The following LRBA variants were observed in gnomAD, a reference collection of about 807,000 sequenced individuals.
LRBA encodes the protein LPS responsive beige-like anchor protein.
LRBA carries 176 observed loss-of-function variants against 330.0 expected under a neutral mutation model. That is an observed-to-expected ratio of 0.53 (90% CI 0.47 to 0.60). The LOEUF (loss-of-function observed/expected upper bound fraction) is 0.60, where lower values mean the gene tolerates loss of function less well. LRBA is among the 20% of genes least tolerant of loss of function. The pLI, the probability that LRBA is intolerant of heterozygous loss-of-function variation, is 0.00. For synonymous variants in LRBA, 1,230 were observed against 1,193.0 expected, an observed-to-expected ratio of 1.03 and a Z score of -0.64; for missense variants, 3,259 against 3,444.8, an observed-to-expected ratio of 0.95 and a Z score of 1.35.
chr4:150,970,550 TGTGTGTACACACACAC>T (rs1457629551), intron 2 of LRBA: 28 of 48,932 alleles, frequency 5.7e-4, no homozygotes, highest in African/African-American at 1.5e-3. Flanking sequence ...TGTGTGTGTG[TGTGTGTACACACACAC>T]ACACACACAC....
intron 51 of LRBA, among the ~76,000 whole-genome samples, chr4:150,313,886 A>C (rs1296951603): frequency 6.7e-6 from 1 of 150,350 alleles, no homozygotes; most frequent in Non-Finnish European, 1.5e-5. Context: ...TTTATATAAT[A>C]TTTTAAATAA....
chr4:150,694,184 C>A (rs534953828), intron 36 of LRBA, among the ~76,000 whole-genome samples: 1 of 152,052 alleles, frequency 6.6e-6, no homozygotes, highest in Admixed American at 6.6e-5. Context: ...TGGAATCAAA[C>A]TGTACATCAT....
At chr4:150,985,031 G>A (rs898298088) in intron 2 of LRBA, among the ~76,000 whole-genome samples, 5 of 152,186 alleles carry the variant, frequency 3.3e-5, no homozygotes, top group Non-Finnish European at 7.3e-5. Flanking sequence ...GCCAAGGCGG[G>A]TGGATCACCT....
At chr4:150,914,427 G>T in intron 8 of LRBA, 86 bp from the exon 9 acceptor site, 1 of 952,194 alleles carries the variant, frequency 1.1e-6, no homozygotes, top group African/African-American at 1.7e-5. Flanking sequence ...TAAATGTTTT[G>T]TCCATTCTAA....
At chr4:150,365,011 A>T (rs369266958) in intron 47 of LRBA, among the ~76,000 whole-genome samples, 3 of 151,174 alleles carry the variant, frequency 2.0e-5, no homozygotes, top group African/African-American at 4.9e-5. Flanking sequence ...TGTGTGTGTG[A>T]GAGAGAGAGA....
rs545883892 is a variant in LRBA at position 150,964,075 on chromosome 4, G to T, written c.217-35010C>A. ...AGCCCCTCCGCCCGGCAGCCTCCCC[G>T]TCCGGGAAGTGAGGAGCGTCTCCGC... On this transcript the variant is annotated intron_variant, in intron 2 of 56. Coordinates refer to ENST00000651943, the MANE Select transcript of LRBA (RefSeq NM_001364905.1). Among the ~76,000 whole-genome samples the T allele has an allele frequency of 2.0e-5, 3 of 147,732 alleles. 1 individual carries two copies. The highest frequency in any genetic ancestry group is 2.0e-4 in the Admixed American group (3 of 15,118).
chr4:150,735,364 A>C lies in LRBA; in HGVS notation c.5648T>G (p.Leu1883Trp). 1 of 1,591,784 alleles carries C rather than the reference A, an allele frequency of 6.3e-7. No homozygotes were observed. The highest frequency in any genetic ancestry group is 8.6e-7 in the Non-Finnish European group (1 of 1,159,866). Residue 1883 changes from leucine to tryptophan, a missense_variant and splice_region_variant, in exon 36 of 57, where the codon TTG becomes TGG. Transcript: ENST00000651943. ...AFIELVNEGR[L>W]LSQTMKDHLV... ...ATGATCCTTCATTGTCTGGCTAAGC[A>C]ACCTGTAAGAAATGAATGTTATCAA... is the stretch of plus-strand genomic sequence containing the variant.
At chr4:150,675,529 G>A (rs1389490137) in intron 37 of LRBA, among the ~76,000 whole-genome samples, 1 of 151,662 alleles carries the variant, frequency 6.6e-6, no homozygotes, top group African/African-American at 2.4e-5. Context: ...CCAGCCTGGC[G>A]AACATGGTGA....
intron 40 of LRBA, among the ~76,000 whole-genome samples, chr4:150,533,227 C>T (rs981458516): frequency 2.0e-5 from 3 of 152,114 alleles, no homozygotes; most frequent in African/African-American, 7.2e-5. Flanking sequence ...GTCACCCAGG[C>T]TGCAGGGCAG....
intron 37 of LRBA, among the ~76,000 whole-genome samples, chr4:150,664,867 A>G (rs1371358957): frequency 1.3e-5 from 2 of 152,220 alleles, no homozygotes; most frequent in Non-Finnish European, 2.9e-5. Context: ...AAAACATTAC[A>G]TAAGTTGAGA....
intron 18 of LRBA, among the ~76,000 whole-genome samples, chr4:150,871,814 A>G (rs1753481314): frequency 6.6e-6 from 1 of 152,224 alleles, no homozygotes; most frequent in African/African-American, 2.4e-5. Context: ...CTAAAGCACA[A>G]TAAATACTTA....
At chr4:150,343,124 C>T (rs1735812799) in intron 48 of LRBA, among the ~76,000 whole-genome samples, 1 of 152,134 alleles carries the variant, frequency 6.6e-6, no homozygotes, top group Non-Finnish European at 1.5e-5. Flanking sequence ...TGTGACAAGA[C>T]TTGACTTGGA....
At chr4:150,901,591 G>C (rs1730733569) in intron 13 of LRBA, among the ~76,000 whole-genome samples, 1 of 152,172 alleles carries the variant, frequency 6.6e-6, no homozygotes, top group South Asian at 2.1e-4. Flanking sequence ...GTGTCACCTA[G>C]GGATTTCTTT....
intron 16 of LRBA, among the ~76,000 whole-genome samples, chr4:150,895,684 T>C (rs188907815): frequency 1.5e-4 from 23 of 152,356 alleles, no homozygotes; most frequent in African/African-American, 5.5e-4. Flanking sequence ...AGTCTATCAC[T>C]GTTGGACATT....
intron 34 of LRBA, among the ~76,000 whole-genome samples, chr4:150,789,919 T>C (rs1739662749): frequency 6.6e-6 from 1 of 152,214 alleles, no homozygotes; most frequent in African/African-American, 2.4e-5. Flanking sequence ...AAAAATGTTA[T>C]GCTCAGAATA....
At chr4:150,415,382 G>GA (rs1747588161) in intron 47 of LRBA, 56 bp downstream of exon 47, 2 of 1,528,774 alleles carry the variant, frequency 1.3e-6, no homozygotes, top group Non-Finnish European at 1.8e-6. Context: ...ACCAACACAT[G>GA]AAAGATGCTT....
chr4:150,826,222 A>G (rs1560873458), intron 30 of LRBA, among the ~76,000 whole-genome samples: 2 of 152,220 alleles, frequency 1.3e-5, no homozygotes, highest in Non-Finnish European at 2.9e-5. Context: ...CTGCCAACCA[A>G]GAGGCAACAG....
chr4:150,474,726 A>G (rs1030790441), intron 42 of LRBA, among the ~76,000 whole-genome samples: 1 of 152,132 alleles, frequency 6.6e-6, no homozygotes, highest in East Asian at 1.9e-4. Context: ...AAAGAGGGCT[A>G]CTTTCTTTCT....
At position 150,852,861 on chromosome 4, in the gene LRBA, C is replaced by A. The variant is rs751947187; in HGVS notation, c.2849G>T (p.Cys950Phe). 44 of 1,612,408 alleles carry A rather than the reference C, an allele frequency of 2.7e-5. No homozygotes were observed. Among genetic ancestry groups the A allele is most frequent in the East Asian group, 1.8e-4 (8 of 44,846 alleles). Residue 950 changes from cysteine to phenylalanine, a missense_variant, in exon 23 of 57, where the codon TGT becomes TTT. Transcript: ENST00000651943. ...GGCTGCTTGAACTGAAGTTGAAGAA[C>A]ACAGCCCTATTTCTTCATCAACTTT... is the stretch of plus-strand genomic sequence containing the variant. ...QGKVDEEIGL[C>F]SSTSVQAASG...
Sources: allele counts gnomAD v4.1 joint callset (sites outside exome capture counted in the v4.1 genomes callset), GRCh38; gene constraint gnomAD v4.1.1; transcripts MANE v1.5; gene names NCBI Gene and HGNC (gene_info 2026-07-23, HGNC 2026-07-21).